The following ZNF423 variants were observed in gnomAD, a reference collection of about 807,000 sequenced individuals.
The protein encoded by ZNF423 is Ebf-associated zinc finger protein.
In ZNF423, 12 loss-of-function variants were observed where a neutral mutation model predicts 95.8. The observed-to-expected ratio is 0.13, with a 90% CI of 0.08 to 0.20. The LOEUF (loss-of-function observed/expected upper bound fraction) is 0.20. Ranked by LOEUF, ZNF423 falls within the 10% of genes least tolerant of loss-of-function variation. ZNF423 has a pLI of 1.00. For synonymous variants in ZNF423, 749 were observed against 711.9 expected, an observed-to-expected ratio of 1.05 and a Z score of -0.83; for missense variants, 1,316 against 1,737.1, an observed-to-expected ratio of 0.76 and a Z score of 4.31.
intron 3 of ZNF423, among the ~76,000 whole-genome samples, chr16:49,706,315 G>C (rs1053862559): frequency 1.3e-5 from 2 of 152,238 alleles, no homozygotes; most frequent in African/African-American, 4.8e-5. Flanking sequence ...GGGCAGGACT[G>C]TAGTCCCAAA....
At chr16:49,791,407 C>T (rs993386488) in intron 1 of ZNF423, among the ~76,000 whole-genome samples, 6 of 152,174 alleles carry the variant, frequency 3.9e-5, no homozygotes, top group Admixed American at 1.3e-4. Context: ...GGGCCATGCA[C>T]GGAAGGAGCT....
At chr16:49,837,591 C>T (rs59965309) in intron 1 of ZNF423, among the ~76,000 whole-genome samples, 30,663 of 152,226 alleles carry the variant, frequency 0.2, 3,210 homozygotes, top group African/African-American at 0.26. Context: ...AGTACCCGAC[C>T]CTGCCTCTTC....
In ZNF423 at chr16:49,605,902, C is replaced by A. The variant is rs561946819; in HGVS notation, c.3601+20268G>T. 9.7e-4 allele frequency among the ~76,000 whole-genome samples: 147 copies of A among 152,284 alleles called. 1 individual carries two copies. In the South Asian group the frequency reaches 0.011, roughly 12 times the overall value. ...AACTGAAAACACAAGGAGCAGATTC[C>A]CGGGAAAGGTGTTTCCCCAACCTCT... On this transcript the variant is annotated intron_variant, in intron 5 of 7. Transcript: ENST00000563137.
intron 5 of ZNF423, among the ~76,000 whole-genome samples, chr16:49,532,395 C>T (rs953346008): frequency 2.0e-5 from 3 of 152,172 alleles, no homozygotes; most frequent in Non-Finnish European, 2.9e-5. Context: ...TTTGGGCTCA[C>T]ATTTTCCTAA....
intron 3 of ZNF423, among the ~76,000 whole-genome samples, chr16:49,662,298 C>T (rs1395940370): frequency 6.6e-6 from 1 of 152,288 alleles, no homozygotes; most frequent in African/African-American, 2.4e-5. Context: ...CTTCTGAACT[C>T]CCTTAGTCTG....
At chr16:49,730,463 A>G in intron 3 of ZNF423, 1 of 417,976 alleles carries the variant, frequency 2.4e-6, no homozygotes, top group East Asian at 4.9e-5. Context: ...CTGCGTTTCC[A>G]AAAGGCCTTC....
intron 1 of ZNF423, among the ~76,000 whole-genome samples, chr16:49,791,964 T>C (rs1163719519): frequency 7.2e-6 from 1 of 139,780 alleles, no homozygotes. Flanking sequence ...ACTGCACCAC[T>C]GCTCTCAGCC....
intron 5 of ZNF423, among the ~76,000 whole-genome samples, chr16:49,616,911 AT>A (rs1359867782): frequency 1.3e-5 from 2 of 152,316 alleles, no homozygotes; most frequent in African/African-American, 4.8e-5. Flanking sequence ...GATAGATAGA[AT>A]TTATTCAGAA....
intron 3 of ZNF423, among the ~76,000 whole-genome samples, chr16:49,709,332 C>G (rs1217980514): frequency 6.6e-6 from 1 of 150,602 alleles, no homozygotes; most frequent in Non-Finnish European, 1.5e-5. Flanking sequence ...CTCGGTGTAA[C>G]AGAGGCACAC....
intron 1 of ZNF423, among the ~76,000 whole-genome samples, chr16:49,797,875 G>C (rs2034523176): frequency 6.6e-6 from 1 of 152,000 alleles, no homozygotes. Context: ...CCAATATATG[G>C]GCATCTCACC....
intron 1 of ZNF423, among the ~76,000 whole-genome samples, chr16:49,840,010 C>T (rs1036837859): frequency 6.6e-6 from 1 of 152,210 alleles, no homozygotes; most frequent in Non-Finnish European, 1.5e-5. Context: ...AACCTGTCCA[C>T]GTGGTGGCCA....
At chr16:49,551,698 A>T (rs1326315537) in intron 5 of ZNF423, among the ~76,000 whole-genome samples, 1 of 152,190 alleles carries the variant, frequency 6.6e-6, no homozygotes, top group Non-Finnish European at 1.5e-5. Context: ...CTTTCCTCCC[A>T]GGAAGGGTGA....
chr16:49,491,377 C>T, intron 7 of ZNF423, 73 bp from the exon 8 acceptor site: 4 of 1,575,646 alleles, frequency 2.5e-6, no homozygotes, highest in Non-Finnish European at 3.5e-6. Flanking sequence ...CCACTCAGTG[C>T]ATTTACGCCG....
At chr16:49,664,109 G>C (rs1211139569) in intron 3 of ZNF423, 1 of 985,520 alleles carries the variant, frequency 1.0e-6, no homozygotes, top group Non-Finnish European at 1.2e-6. Context: ...CTGCTCACCA[G>C]GGCGTCCCAG....
chr16:49,664,132 G>A (rs2030403575), intron 3 of ZNF423: 3 of 985,562 alleles, frequency 3.0e-6, no homozygotes, highest in Non-Finnish European at 3.6e-6. Context: ...CAAACTGGCC[G>A]ATGCCAAGAG....
intron 5 of ZNF423, among the ~76,000 whole-genome samples, chr16:49,544,464 G>A (rs1477498262): frequency 6.6e-6 from 1 of 152,238 alleles, no homozygotes; most frequent in Admixed American, 6.5e-5. Context: ...AGGCAGGAAG[G>A]GGTCAGCTCC....
intron 2 of ZNF423, among the ~76,000 whole-genome samples, chr16:49,767,888 C>T (rs1475677735): frequency 6.6e-6 from 1 of 152,212 alleles, no homozygotes; most frequent in Non-Finnish European, 1.5e-5. Context: ...GTCTTTAAAA[C>T]CAGGCTTACG....
chr16:49,703,956 C>T (rs546609327), intron 3 of ZNF423, among the ~76,000 whole-genome samples: 30 of 152,280 alleles, frequency 2.0e-4, no homozygotes, highest in African/African-American at 5.8e-4. Context: ...ATGAGTGATG[C>T]GCCCAGGCCA....
chr16:49,657,943 G>T (rs1264608168), intron 3 of ZNF423, among the ~76,000 whole-genome samples: 1 of 152,152 alleles, frequency 6.6e-6, no homozygotes, highest in Non-Finnish European at 1.5e-5. Flanking sequence ...TCACTGAGAG[G>T]CCACCGTCAG....
Sources: gnomAD v4.1 joint callset for allele counts (sites outside exome capture counted in the v4.1 genomes callset) on GRCh38, gnomAD v4.1.1 for gene constraint, MANE v1.5 for transcripts, NCBI Gene and HGNC (gene_info 2026-07-23, HGNC 2026-07-21) for gene names.